SOX5: variants seen among roughly 807,000 people sequenced by gnomAD.
SOX5 encodes transcription factor SOX-5.
A neutral mutation model predicts 92.0 loss-of-function variants in SOX5; 9 were observed. That is an observed-to-expected ratio of 0.10 (90% CI 0.06 to 0.17). The LOEUF (loss-of-function observed/expected upper bound fraction) is 0.17. SOX5 is among the 10% of genes least tolerant of loss of function. The pLI, the probability that SOX5 is intolerant of heterozygous loss-of-function variation, is 1.00. For missense variants in SOX5, 642 were observed against 944.5 expected (o/e 0.68, Z 4.20); for synonymous variants, 344 against 336.3 (o/e 1.02, Z -0.25).
intron 3 of SOX5, among the ~76,000 whole-genome samples, chr12:23,757,607 A>C (rs1255450939): frequency 6.6e-6 from 1 of 151,978 alleles, no homozygotes; most frequent in African/African-American, 2.4e-5. Flanking sequence ...CTTGAGTAGC[A>C]TGTAAACAGG....
chr12:24,012,486 TA>T (rs2136546856), intron 4 of SOX5, among the ~76,000 whole-genome samples: 1 of 152,290 alleles, frequency 6.6e-6, no homozygotes, highest in South Asian at 2.1e-4. Context: ...TTCAAACCCA[TA>T]ATTCACAGTA....
At chr12:23,910,927 A>T (rs2097345168) in intron 1 of SOX5, among the ~76,000 whole-genome samples, 1 of 152,154 alleles carries the variant, frequency 6.6e-6, no homozygotes, top group African/African-American at 2.4e-5. Context: ...CAACATTCGC[A>T]GCTGGTTTAG....
chr12:24,019,421 C>T (rs934138364), intron 4 of SOX5, among the ~76,000 whole-genome samples: 3 of 152,146 alleles, frequency 2.0e-5, no homozygotes, highest in Non-Finnish European at 2.9e-5. Flanking sequence ...AAATGAATTA[C>T]AGATATATAG....
intron 4 of SOX5, among the ~76,000 whole-genome samples, chr12:23,989,333 A>C (rs1950346289): frequency 6.6e-6 from 1 of 152,028 alleles, no homozygotes; most frequent in African/African-American, 2.4e-5. Context: ...CAGAGGTTGC[A>C]GTGAGCTGAG....
At chr12:24,501,968 A>G (rs1306279856) in intron 1 of SOX5, among the ~76,000 whole-genome samples, 1 of 152,174 alleles carries the variant, frequency 6.6e-6, no homozygotes, top group African/African-American at 2.4e-5. Flanking sequence ...CTGGGAAAAG[A>G]CACAGATGTA....
chr12:23,883,628 C>T (rs771338740), intron 2 of SOX5, among the ~76,000 whole-genome samples: 3 of 152,096 alleles, frequency 2.0e-5, no homozygotes, highest in Non-Finnish European at 2.9e-5. Flanking sequence ...AGGGATCCTG[C>T]AAAACTTAGA....
At chr12:24,109,534 C>A (rs915273741) in intron 4 of SOX5, among the ~76,000 whole-genome samples, 1 of 152,142 alleles carries the variant, frequency 6.6e-6, no homozygotes, top group South Asian at 2.1e-4. Context: ...TTGTACAACA[C>A]TTCTGAAAGT....
intron 1 of SOX5, among the ~76,000 whole-genome samples, chr12:24,552,299 C>T (rs571126730): frequency 6.6e-6 from 1 of 152,344 alleles, no homozygotes; most frequent in African/African-American, 2.4e-5. Flanking sequence ...TACTTAAATT[C>T]CATATGCCAT....
At chr12:23,970,544 T>C (rs1387200240) in intron 4 of SOX5, among the ~76,000 whole-genome samples, 3 of 151,964 alleles carry the variant, frequency 2.0e-5, no homozygotes, top group East Asian at 3.9e-4. Flanking sequence ...AGTGTAGTCA[T>C]AGAGTATTTT....
chr12:23,681,215 C>G (rs1171104249), intron 6 of SOX5, among the ~76,000 whole-genome samples: 1 of 151,796 alleles, frequency 6.6e-6, no homozygotes, highest in Non-Finnish European at 1.5e-5. Flanking sequence ...TAATTTTAGA[C>G]TCTCTGAGCA....
At chr12:23,976,654 G>A (rs1015596596) in intron 4 of SOX5, among the ~76,000 whole-genome samples, 1 of 152,064 alleles carries the variant, frequency 6.6e-6, no homozygotes, top group Non-Finnish European at 1.5e-5. Flanking sequence ...ACTCGAAGGT[G>A]GATTTATAAC....
chr12:24,365,701 G>T (rs1956103091), intron 2 of SOX5, among the ~76,000 whole-genome samples: 3 of 110,676 alleles, frequency 2.7e-5, no homozygotes, highest in Admixed American at 2.1e-4. Context: ...TTTAACTGAA[G>T]TTGAAGAGAT....
At chr12:24,141,800 G>A (rs1407770148) in intron 4 of SOX5, among the ~76,000 whole-genome samples, 1 of 152,280 alleles carries the variant, frequency 6.6e-6, no homozygotes, top group East Asian at 1.9e-4. Flanking sequence ...AGTTAATAGG[G>A]CCTGAAATGT....
At chr12:23,846,377 G>A (rs2096575542) in intron 2 of SOX5, among the ~76,000 whole-genome samples, 184 bp from the exon 3 acceptor site, 1 of 152,196 alleles carries the variant, frequency 6.6e-6, no homozygotes, top group Non-Finnish European at 1.5e-5. Flanking sequence ...CACTCTGCAA[G>A]AGGCAAAGAA....
intron 4 of SOX5, among the ~76,000 whole-genome samples, chr12:24,046,966 C>G (rs997875893): frequency 6.6e-6 from 1 of 152,114 alleles, no homozygotes; most frequent in African/African-American, 2.4e-5. Flanking sequence ...GGATCACAGG[C>G]GTGAGCCACC....
intron 8 of SOX5, among the ~76,000 whole-genome samples, chr12:23,615,889 T>C (rs1235596291): frequency 6.6e-6 from 1 of 152,216 alleles, no homozygotes; most frequent in African/African-American, 2.4e-5. Flanking sequence ...AGAGAGACTG[T>C]GCAAGAGTCC....
intron 11 of SOX5, among the ~76,000 whole-genome samples, chr12:23,548,310 A>G (rs1338973070): frequency 6.6e-6 from 1 of 152,092 alleles, no homozygotes; most frequent in Non-Finnish European, 1.5e-5. Context: ...CCAAGAGACT[A>G]AAATTAACAA....
At chr12:24,418,068 C>A (rs1965322088) in intron 1 of SOX5, among the ~76,000 whole-genome samples, 1 of 151,914 alleles carries the variant, frequency 6.6e-6, no homozygotes, top group South Asian at 2.1e-4. Flanking sequence ...TCTTTGGATG[C>A]TTTATATCAT....
At chr12:24,029,262 A>G (rs570873504) in intron 4 of SOX5, among the ~76,000 whole-genome samples, 3 of 152,018 alleles carry the variant, frequency 2.0e-5, no homozygotes, top group East Asian at 3.9e-4. Context: ...AAACTTCTCC[A>G]ACATTTTATT....
Sources: allele counts gnomAD v4.1 joint callset (sites outside exome capture counted in the v4.1 genomes callset), GRCh38; gene constraint gnomAD v4.1.1; transcripts MANE v1.5; gene names NCBI Gene and HGNC (gene_info 2026-07-23, HGNC 2026-07-21).